SEMA3A: variants seen among roughly 807,000 people sequenced by gnomAD.
SEMA3A encodes semaphorin 3A.
SEMA3A carries 29 observed loss-of-function variants against 97.9 expected under a neutral mutation model. The observed-to-expected ratio is 0.30, with a 90% confidence interval of 0.22 to 0.40. The LOEUF is 0.40. SEMA3A is among the 10% of genes least tolerant of loss of function. The pLI is 1.00. For missense variants in SEMA3A, 763 were observed against 951.3 expected, an observed-to-expected ratio of 0.80 and a Z score of 2.60; for synonymous variants, 321 against 323.7, an observed-to-expected ratio of 0.99 and a Z score of 0.09.
intron 1 of SEMA3A, among the ~76,000 whole-genome samples, chr7:84,467,798 T>C (rs1806042017): frequency 1.3e-5 from 2 of 152,306 alleles, no homozygotes; most frequent in South Asian, 2.1e-4. Flanking sequence ...AGAAAATACC[T>C]AATGAATTCT....
intron 1 of SEMA3A, among the ~76,000 whole-genome samples, chr7:84,394,933 T>C (rs996230422): frequency 6.6e-6 from 1 of 152,102 alleles, no homozygotes; most frequent in Admixed American, 6.6e-5. Flanking sequence ...AAGTTAACTT[T>C]TACCCTTTGT....
intron 2 of SEMA3A, among the ~76,000 whole-genome samples, chr7:84,345,317 A>C (rs1802271769): frequency 1.3e-5 from 2 of 152,338 alleles, no homozygotes; most frequent in South Asian, 4.1e-4. Context: ...TCTTGCCTCC[A>C]TGTTGATAGC....
intron 3 of SEMA3A, among the ~76,000 whole-genome samples, chr7:84,269,117 A>T (rs1340446016): frequency 6.6e-6 from 1 of 151,996 alleles, no homozygotes; most frequent in African/African-American, 2.4e-5. Context: ...AAATAGCCTG[A>T]ATTTGTTATG....
intron 1 of SEMA3A, among the ~76,000 whole-genome samples, chr7:84,442,750 T>A (rs1238028490): frequency 6.6e-6 from 1 of 152,010 alleles, no homozygotes; most frequent in East Asian, 1.9e-4. Context: ...ATCCAAAGAT[T>A]AAAATGGGTC....
At chr7:84,008,730 A>C (rs1286320382) in intron 9 of SEMA3A, among the ~76,000 whole-genome samples, 1 of 152,168 alleles carries the variant, frequency 6.6e-6, no homozygotes, top group Non-Finnish European at 1.5e-5. Context: ...CGATTCATAG[A>C]CTGCAAGTTT....
intron 2 of SEMA3A, among the ~76,000 whole-genome samples, chr7:84,329,492 G>A (rs2115942311): frequency 6.6e-6 from 1 of 152,086 alleles, no homozygotes; most frequent in East Asian, 1.9e-4. Context: ...TGGCCCACGG[G>A]AGCCAAAAGG....
At chr7:84,290,335 G>A (rs1800709669) in intron 3 of SEMA3A, among the ~76,000 whole-genome samples, 1 of 152,054 alleles carries the variant, frequency 6.6e-6, no homozygotes, top group South Asian at 2.1e-4. Flanking sequence ...TCTAGAATCC[G>A]AGGACCTCTT....
intron 1 of SEMA3A, among the ~76,000 whole-genome samples, chr7:84,180,952 A>C (rs1797718362): frequency 6.6e-6 from 1 of 152,146 alleles, no homozygotes; most frequent in Admixed American, 6.5e-5. Flanking sequence ...GGTTCCCTTA[A>C]GTAAATACAT....
At chr7:84,011,329 G>T in intron 7 of SEMA3A, 32 bp from the exon 8 acceptor site, 2 of 1,299,848 alleles carry the variant, frequency 1.5e-6, no homozygotes, top group South Asian at 1.2e-5. Flanking sequence ...GTTAGGCACT[G>T]TTAATGAAAA....
intron 3 of SEMA3A, among the ~76,000 whole-genome samples, chr7:84,296,031 A>G (rs1800861567): frequency 6.6e-6 from 1 of 152,178 alleles, no homozygotes; most frequent in African/African-American, 2.4e-5. Context: ...TAATCACACA[A>G]TCAAGTTACT....
intron 3 of SEMA3A, among the ~76,000 whole-genome samples, chr7:84,253,841 T>C (rs1799661111): frequency 1.3e-5 from 2 of 152,194 alleles, no homozygotes; most frequent in African/African-American, 4.8e-5. Flanking sequence ...ATGTGTACCA[T>C]TACCAACTTT....
chr7:84,379,475 AG>A (rs970246019), intron 1 of SEMA3A, among the ~76,000 whole-genome samples: 1 of 152,210 alleles, frequency 6.6e-6, no homozygotes, highest in African/African-American at 2.4e-5. Flanking sequence ...ACCAAATTCA[AG>A]AGTAAAATTC....
intron 3 of SEMA3A, among the ~76,000 whole-genome samples, chr7:84,218,238 T>G (rs1798794987): frequency 6.6e-6 from 1 of 152,134 alleles, no homozygotes; most frequent in East Asian, 1.9e-4. Context: ...ATTGCAGATC[T>G]TTGGTCCTTG....
At chr7:84,127,059 TG>T (rs1239514550) in intron 3 of SEMA3A, among the ~76,000 whole-genome samples, 1 of 152,090 alleles carries the variant, frequency 6.6e-6, no homozygotes, top group East Asian at 1.9e-4. Context: ...GAAAAACATT[TG>T]CTCTACTATG....
chr7:84,389,486 T>C (rs1400158046), intron 1 of SEMA3A, among the ~76,000 whole-genome samples: 1 of 152,078 alleles, frequency 6.6e-6, no homozygotes, highest in Admixed American at 6.6e-5. Flanking sequence ...AACTCAACAG[T>C]ATACACCTGG....
intron 13 of SEMA3A, among the ~76,000 whole-genome samples, chr7:83,983,254 T>C (rs1789499989): frequency 6.6e-6 from 1 of 151,920 alleles, no homozygotes; most frequent in Admixed American, 6.6e-5. Flanking sequence ...TTCTCTTCTT[T>C]CTTTCTTTTT....
At chr7:84,296,184 A>C (rs1800866348) in intron 3 of SEMA3A, among the ~76,000 whole-genome samples, 1 of 152,146 alleles carries the variant, frequency 6.6e-6, no homozygotes, top group African/African-American at 2.4e-5. Flanking sequence ...GTAAAATATG[A>C]ACGTATTTTT....
chr7:84,392,543 T>A (rs1293203579), intron 1 of SEMA3A, among the ~76,000 whole-genome samples: 1 of 152,180 alleles, frequency 6.6e-6, no homozygotes, highest in Non-Finnish European at 1.5e-5. Flanking sequence ...TGTGCAAACA[T>A]CTATTAGACA....
chr7:84,439,800 T>C (rs1030450818), intron 1 of SEMA3A, among the ~76,000 whole-genome samples: 32 of 152,096 alleles, frequency 2.1e-4, no homozygotes, highest in African/African-American at 5.8e-4. Flanking sequence ...CTAAGAATAA[T>C]AAAATAGAAA....
Sources: allele counts gnomAD v4.1 joint callset (sites outside exome capture counted in the v4.1 genomes callset), GRCh38; gene constraint gnomAD v4.1.1; transcripts MANE v1.5; gene names NCBI Gene and HGNC (gene_info 2026-07-23, HGNC 2026-07-21).